The following OR1I1 variants were observed in gnomAD, a reference collection of about 807,000 sequenced individuals.
OR1I1 encodes the protein olfactory receptor family 1 subfamily I member 1, also known as olfactory receptor 1I1.
For synonymous variants in OR1I1, 171 were observed against 181.4 expected (o/e 0.94, Z 0.46); for missense variants, 451 against 443.6 (o/e 1.02, Z -0.15).
Position 15,087,383 on chromosome 19 carries a change from G to A in OR1I1, c.318G>A (p.Leu106=). ...TCACCCAGATGTATGCCTTCCACCT[G>A]TTCGGGACCATGGACAGCTTTCTCC... The part of the protein sequence containing the change: ...GCLTQMYAFH[L]FGTMDSFLLA... Residue 106 remains leucine, a synonymous_variant, in exon 2 of 2, where the codon CTG becomes CTA. Coordinates refer to ENST00000641398, the MANE Select transcript of OR1I1 (RefSeq NM_001004713.2). 1 of 1,614,150 alleles carries A rather than the reference G, an allele frequency of 6.2e-7. No homozygotes were observed. Among genetic ancestry groups the A allele is most frequent in the Non-Finnish European group, 8.5e-7 (1 of 1,180,042 alleles).
rs562344048 is a variant in OR1I1, at chr19:15,083,392, G to T, written c.-14+1116G>T. Among the ~76,000 whole-genome samples, 16 of 152,236 alleles carry T rather than the reference G, an allele frequency of 1.1e-4. No homozygotes were observed. The South Asian group carries it at 3.3e-3, about 32-fold the overall frequency. On this transcript the variant is annotated intron_variant, in intron 1 of 1. Transcript: ENST00000641398. ...ATTACAGGTGTGAGCCACCATGCCT[G>T]GCCCGCTTTTTGTGTTTTAACAAGC...
chr19:15,085,143 TATATATATATATATATATATATATA>T (rs2046223617), intron 1 of OR1I1, among the ~76,000 whole-genome samples: 1 of 24,496 alleles, frequency 4.1e-5, no homozygotes, highest in Non-Finnish European at 7.2e-5. Flanking sequence ...TATATATATA[TATATATATATATATATATATATATA>T]TATATATATT....
In OR1I1 at chr19:15,088,793, A is replaced by ATAGG. The variant is rs2046243605; in HGVS notation, c.*663_*664insGTAG. The ATAGG allele has an allele frequency of 2.9e-5, 3 of 104,228 alleles. No individual in the cohort carries two copies. Among genetic ancestry groups the ATAGG allele is most frequent in the African/African-American group, 9.4e-5 (3 of 31,776 alleles). 6.5% of individuals were successfully genotyped at this position (104,228 alleles called of 1,614,324 possible). A position where few individuals can be genotyped will look rare whatever the true frequency, so the allele number is the denominator to read the frequency against. ...GATATGTAGATAGATAGATAGATAGATAGATAGATAGATAGATAGATAGAT... is the reference window on the plus strand; with the variant it reads ...GATATGTAGATAGATAGATAGATAGATAGGTAGATAGATAGATAGATAGATAGAT... On this transcript the variant is annotated 3_prime_UTR_variant, in exon 2 of 2. Coordinates refer to ENST00000641398, the MANE Select transcript of OR1I1 (RefSeq NM_001004713.2).
chr19:15,091,038 A>G lies in OR1I1; in HGVS notation c.*2905A>G, dbSNP rs1396758373. The G allele has an allele frequency of 2.0e-5, 3 of 152,248 alleles. No homozygotes were observed. The highest frequency in any genetic ancestry group is 2.9e-5 in the Non-Finnish European group (2 of 68,038). 9.4% of individuals were successfully genotyped at this position (152,248 alleles called of 1,614,324 possible). On this transcript the variant is annotated 3_prime_UTR_variant, in exon 2 of 2. Transcript: ENST00000641398. ...TGTTCTGGCCAAGGGACCCTGGGCT[A>G]GAACTGGAGAAAAGGATGAAGGATT...
At chr19:15,085,168 A>ATTT (rs1568321900) in intron 1 of OR1I1, among the ~76,000 whole-genome samples, 3 of 18,828 alleles carry the variant, frequency 1.6e-4, no homozygotes, top group South Asian at 2.6e-3. Context: ...ATATATATAT[A>ATTT]TATATATATT....
At chr19:15,084,069 C>T (rs185385726) in intron 1 of OR1I1, among the ~76,000 whole-genome samples, 4 of 152,234 alleles carry the variant, frequency 2.6e-5, no homozygotes, top group African/African-American at 9.6e-5. Flanking sequence ...CTTCGAAATG[C>T]CTCATAAAGA....
intron 1 of OR1I1, among the ~76,000 whole-genome samples, chr19:15,084,706 T>C (rs979199166): frequency 6.6e-6 from 1 of 152,042 alleles, no homozygotes; most frequent in African/African-American, 2.4e-5. Context: ...GTCCTGCACG[T>C]GTATCCTGGA....
intron 1 of OR1I1, among the ~76,000 whole-genome samples, chr19:15,084,296 A>T (rs1208975776): frequency 6.6e-6 from 1 of 152,214 alleles, no homozygotes; most frequent in Non-Finnish European, 1.5e-5. Context: ...GCAGTGGCTC[A>T]CGCCTGTAAT....
At chr19:15,084,848 C>T (rs1211018698) in intron 1 of OR1I1, among the ~76,000 whole-genome samples, 1 of 151,556 alleles carries the variant, frequency 6.6e-6, no homozygotes, top group Non-Finnish European at 1.5e-5. Flanking sequence ...TTGCTGAGGG[C>T]AAAATAAAAA....
Position 15,087,760 on chromosome 19 carries a change from G to A in OR1I1, c.695G>A (p.Arg232Gln), listed in dbSNP as rs761240708. 2.5e-5 allele frequency: 40 copies of A among 1,613,996 alleles called. No individual in the cohort carries two copies. The highest frequency in any genetic ancestry group is 3.3e-5 in the Admixed American group (2 of 59,984). The change falls in exon 2 of 2, where the codon CGG becomes CAG. Residue 232 changes from arginine (R) to glutamine (Q), a missense_variant. Physicochemically the swap from Arg to Gln is conservative, Grantham distance 43. Coordinates refer to ENST00000641398, the MANE Select transcript of OR1I1 (RefSeq NM_001004713.2). ...FWTVFKIPST[R>Q]GKWKAFSTCG... ...ACAGTCTTTAAGATCCCTTCTACTC[G>A]GGGCAAGTGGAAAGCCTTCTCCACC...
chr19:15,088,798 T>TAGATAGATAGATAGATAGATAGAC lies in OR1I1; in HGVS notation c.*688_*689insCAGATAGATAGATAGATAGATAGA, dbSNP rs1568323037. ...GTAGATAGATAGATAGATAGATAGA[T>TAGATAGATAGATAGATAGATAGAC]AGATAGATAGATAGATAGATAGATA... On this transcript the variant is annotated 3_prime_UTR_variant, in exon 2 of 2. Coordinates refer to ENST00000641398, the MANE Select transcript of OR1I1 (RefSeq NM_001004713.2). 375 of 106,504 alleles carry TAGATAGATAGATAGATAGATAGAC rather than the reference T, an allele frequency of 3.5e-3. 2 individuals carry two copies. The highest frequency in any genetic ancestry group is 0.011 in the African/African-American group (351 of 32,380). 6.6% of individuals were successfully genotyped at this position (106,504 alleles called of 1,614,324 possible).
At position 15,087,508 on chromosome 19, in the gene OR1I1, C is replaced by T; in HGVS notation, c.443C>T (p.Ser148Leu). Residue 148 changes from serine (S) to leucine (L), a missense_variant, in exon 2 of 2, where the codon TCA becomes TTA. Transcript: ENST00000641398. ...GTCTGTGGGCTGCTGCTGGGAGCAT[C>T]ATGGATGATCACCAACCTCCAGTCT... ...SPVCGLLLGA[S>L]WMITNLQSLI... The T allele has an allele frequency of 6.2e-7, 1 of 1,614,210 alleles. No homozygotes were observed. Among genetic ancestry groups the T allele is most frequent in the Non-Finnish European group, 8.5e-7 (1 of 1,180,038 alleles).
At position 15,092,102 on chromosome 19, in the gene OR1I1, TTTTTTTTTGGTTTTTGGTTG is replaced by T. The variant is rs1321190385; in HGVS notation, c.*3978_*3997del. On this transcript the variant is annotated 3_prime_UTR_variant, in exon 2 of 2. Coordinates refer to ENST00000641398, the MANE Select transcript of OR1I1 (RefSeq NM_001004713.2). ...ATTTAAAACGCTTTTTTTTTTTTTT[TTTTTTTTTGGTTTTTGGTTG>T]TTTTTTTTTTTTCCCCGGAAACTTG... 0.014 allele frequency: 975 copies of T among 70,880 alleles called. 47 individuals carry two copies. Among genetic ancestry groups the T allele is most frequent in the South Asian group, 0.038 (55 of 1,456 alleles). The allele number at this position is 70,880 out of a possible 1,614,324, so 4.4% of individuals were successfully genotyped here. A position where few individuals can be genotyped will look rare whatever the true frequency, so the allele number is the denominator to read the frequency against.
intron 1 of OR1I1, among the ~76,000 whole-genome samples, chr19:15,085,972 T>C (rs1312405376): frequency 6.6e-6 from 1 of 152,074 alleles, no homozygotes; most frequent in African/African-American, 2.4e-5. Context: ...AGATTACATA[T>C]TGTTGGTGGA....
At chr19:15,086,956 T>C in intron 1 of OR1I1, 97 bp from the exon 2 acceptor site, 1 of 1,454,526 alleles carries the variant, frequency 6.9e-7, no homozygotes, top group Non-Finnish European at 9.1e-7. Flanking sequence ...GATGGAATTT[T>C]CACAGAACAG....
chr19:15,090,238 G>A lies in OR1I1; in HGVS notation c.*2105G>A, dbSNP rs1464990708. ...TTTTTTTGAGACGGAGTCTTGCTCTGTCATCCCGGCTGGATGCAGTGGCAT... is the reference window on the plus strand; with the variant it reads ...TTTTTTTGAGACGGAGTCTTGCTCTATCATCCCGGCTGGATGCAGTGGCAT... On this transcript the variant is annotated 3_prime_UTR_variant, in exon 2 of 2. Transcript: ENST00000641398. 2.4e-5 allele frequency: 3 copies of A among 127,630 alleles called. No homozygotes were observed. The highest frequency in any genetic ancestry group is 5.7e-3 in the Middle Eastern group (1 of 176). The allele number at this position is 127,630 out of a possible 1,614,324, so 7.9% of individuals were successfully genotyped here.
rs543844444 is a variant in OR1I1 at position 15,087,980 on chromosome 19, C to T, written c.915C>T (p.Ile305=). Residue 305 remains isoleucine (I), a synonymous_variant, in exon 2 of 2, where the codon ATC becomes ATT. Transcript: ENST00000641398. ...TGAAGGCAGCCCTGGGGAAGCTCAT[C>T]GGCAAAGTGGCCGTCCCCTGTCCTA... is the stretch of plus-strand genomic sequence containing the variant. ...KDMKAALGKL[I]GKVAVPCPRP... is the part of the protein sequence containing the mutation. 39 of 1,614,208 alleles carry T rather than the reference C, an allele frequency of 2.4e-5. No individual in the cohort carries two copies. Among genetic ancestry groups the T allele is most frequent in the Middle Eastern group, 3.3e-4 (2 of 6,062 alleles).
chr19:15,083,384 C>T (rs2046216948), intron 1 of OR1I1, among the ~76,000 whole-genome samples: 1 of 152,142 alleles, frequency 6.6e-6, no homozygotes, highest in South Asian at 2.1e-4. Flanking sequence ...GTGTGAGCCA[C>T]CATGCCTGGC....
At chr19:15,082,863 G>A (rs563432710) in intron 1 of OR1I1, among the ~76,000 whole-genome samples, 2 of 152,032 alleles carry the variant, frequency 1.3e-5, no homozygotes, top group African/African-American at 4.8e-5. Flanking sequence ...AGTCTGGAGT[G>A]CAGTGGCATT....
Sources: gnomAD v4.1 joint callset for allele counts (sites outside exome capture counted in the v4.1 genomes callset) on GRCh38, gnomAD v4.1.1 for gene constraint, MANE v1.5 for transcripts, NCBI Gene and HGNC (gene_info 2026-07-23, HGNC 2026-07-21) for gene names.